COL5A1: variants seen among roughly 807,000 people sequenced by gnomAD.
COL5A1 encodes collagen type V alpha 1 chain.
Under a neutral mutation model 263.7 loss-of-function variants are expected in COL5A1, and 16 were observed. The observed-to-expected ratio is 0.06, with a 90% CI of 0.04 to 0.09. The LOEUF is 0.09. Ranked by LOEUF, COL5A1 falls within the 10% of genes least tolerant of loss-of-function variation. The pLI is 1.00. For missense variants in COL5A1, 2,036 were observed against 2,540.5 expected, an observed-to-expected ratio of 0.80 and a Z score of 4.27; for synonymous variants, 1,012 against 1,004.5, an observed-to-expected ratio of 1.01 and a Z score of -0.14.
chr9:134,807,379 C>T (rs1451184368), intron 42 of COL5A1, among the ~76,000 whole-genome samples: 2 of 152,168 alleles, frequency 1.3e-5, no homozygotes, highest in African/African-American at 4.8e-5. Context: ...CTGTGACCTC[C>T]ACCTCCTGGG....
intron 11 of COL5A1, among the ~76,000 whole-genome samples, chr9:134,747,176 A>C (rs1835547177): frequency 6.6e-6 from 1 of 152,172 alleles, no homozygotes. Context: ...TCCTTCTTCT[A>C]GGACTTCACG....
chr9:134,762,175 A>T (rs966841068), intron 19 of COL5A1, among the ~76,000 whole-genome samples, 197 bp downstream of exon 19: 3 of 152,064 alleles, frequency 2.0e-5, no homozygotes, highest in African/African-American at 7.2e-5. Context: ...CATTGGAGAG[A>T]CCCTGACTGC....
intron 4 of COL5A1, among the ~76,000 whole-genome samples, chr9:134,706,316 C>T (rs1298042759): frequency 1.3e-5 from 2 of 152,188 alleles, no homozygotes; most frequent in African/African-American, 2.4e-5. Context: ...GACCACCGTG[C>T]AGGAAGGGGA....
intron 4 of COL5A1, among the ~76,000 whole-genome samples, chr9:134,702,262 T>C (rs1280914079): frequency 6.6e-6 from 1 of 152,222 alleles, no homozygotes; most frequent in Non-Finnish European, 1.5e-5. Flanking sequence ...TCTCTGTGGC[T>C]AAAACCTGTT....
chr9:134,728,304 G>C (rs1283514436), intron 5 of COL5A1, among the ~76,000 whole-genome samples: 4 of 152,240 alleles, frequency 2.6e-5, no homozygotes, highest in Non-Finnish European at 4.4e-5. Flanking sequence ...TTGAGGCTTG[G>C]GGCTGAAGGC....
intron 1 of COL5A1, among the ~76,000 whole-genome samples, chr9:134,668,452 C>T (rs1018267142): frequency 2.0e-5 from 3 of 148,454 alleles, no homozygotes; most frequent in African/African-American, 7.6e-5. Flanking sequence ...GGCTATCACT[C>T]AACACCAGGT....
chr9:134,812,847 CCTCT>C (rs759377992), intron 48 of COL5A1, 135 bp downstream of exon 48: 10 of 723,786 alleles, frequency 1.4e-5, no homozygotes, highest in Non-Finnish European at 2.2e-5. Context: ...CGTGTGTGTA[CCTCT>C]CTGTGTGTAC....
At chr9:134,787,673 T>C (rs1382451949) in intron 31 of COL5A1, among the ~76,000 whole-genome samples, 1 of 152,244 alleles carries the variant, frequency 6.6e-6, no homozygotes, top group Non-Finnish European at 1.5e-5. Context: ...AGTCAGTGCA[T>C]AAATTTGCAT....
In COL5A1 at chr9:134,766,446, G is replaced by A. The variant is rs368595229; in HGVS notation, c.2089-8G>A. ...GTTACATGTTTTTCTTCTTAAAATC[G>A]TACACAGGGTGTCACGGGTATGGAC... On this transcript the variant is annotated splice_region_variant and splice_polypyrimidine_tract_variant and intron_variant, in intron 21 of 65. Coordinates refer to ENST00000371817, the MANE Select transcript of COL5A1 (RefSeq NM_000093.5). The A allele has an allele frequency of 2.2e-5, 35 of 1,613,872 alleles. No individual in the cohort carries two copies. Among genetic ancestry groups the A allele is most frequent in the African/African-American group, 2.1e-4 (16 of 74,910 alleles).
At chr9:134,674,863 A>G (rs1428754651) in intron 1 of COL5A1, among the ~76,000 whole-genome samples, 1 of 152,060 alleles carries the variant, frequency 6.6e-6, no homozygotes, top group Non-Finnish European at 1.5e-5. Flanking sequence ...CCTGGGTAAC[A>G]GAATGAGACT....
rs2132543589 is a variant in COL5A1, at chr9:134,686,766, C to T, written c.110-4146C>T. On this transcript the variant is annotated intron_variant, in intron 1 of 65. Transcript: ENST00000371817. This position sits in a 1 kb window ranked among gnomAD's most constrained non-coding sequence, Gnocchi z 4.6. The stretch of plus-strand genomic sequence containing the variant: ...ACTCGGGGATGGACAAGAGGTATTC[C>T]CTGGGCAAGCGAGGCTGTGCAGGAT... Among the ~76,000 whole-genome samples, 1 of 152,244 alleles carries T rather than the reference C, an allele frequency of 6.6e-6. No homozygotes were observed. The highest frequency in any genetic ancestry group is 2.4e-5 in the African/African-American group (1 of 41,560).
chr9:134,743,953 C>G (rs1835381829), intron 11 of COL5A1, among the ~76,000 whole-genome samples: 1 of 152,176 alleles, frequency 6.6e-6, no homozygotes, highest in African/African-American at 2.4e-5. Flanking sequence ...CAGGACCAGC[C>G]TTGGGGTGAT....
At chr9:134,744,825 A>T (rs892384215) in intron 11 of COL5A1, among the ~76,000 whole-genome samples, 1 of 152,000 alleles carries the variant, frequency 6.6e-6, no homozygotes, top group Non-Finnish European at 1.5e-5. Flanking sequence ...ACACTCATGC[A>T]TGCATGCACA....
chr9:134,757,932 A>G lies in COL5A1; in HGVS notation c.1882-311A>G, dbSNP rs1317693964. Among the ~76,000 whole-genome samples, 4 of 152,046 alleles carry G rather than the reference A, an allele frequency of 2.6e-5. No individual in the cohort carries two copies. The highest frequency in any genetic ancestry group is 9.7e-5 in the African/African-American group (4 of 41,400). ...GGGGTGGGGGAGATCAGCAGCAGAC[A>G]CTCACACACACGGGAAACTGCAGCG... On this transcript the variant is annotated intron_variant, in intron 17 of 65. Transcript: ENST00000371817. This position sits in a 1 kb window ranked among gnomAD's most constrained non-coding sequence, Gnocchi z 6.2.
At chr9:134,814,112 C>G in intron 49 of COL5A1, 76 bp downstream of exon 49, 1 of 1,418,190 alleles carries the variant, frequency 7.1e-7, no homozygotes, top group African/African-American at 1.4e-5. Context: ...GTTGGAGGCT[C>G]TGGCTCTGCC....
In COL5A1 at chr9:134,730,275, G is replaced by A. The variant is rs199857770; in HGVS notation, c.964G>A (p.Glu322Lys). 3 of 1,614,044 alleles carry A rather than the reference G, an allele frequency of 1.9e-6. No individual in the cohort carries two copies. Among genetic ancestry groups the A allele is most frequent in the South Asian group, 1.1e-5 (1 of 91,092 alleles). The change falls in exon 7 of 66, where the codon GAA (glutamate) becomes AAA (lysine). Residue 322 changes from glutamate (E) to lysine (K), a missense_variant. This residue lies in a region of COL5A1 where 600 missense variants were observed against 634.5 expected (regional missense o/e 0.95). Coordinates refer to ENST00000371817, the MANE Select transcript of COL5A1 (RefSeq NM_000093.5). ...PTPTEAAPMP[E>K]TSEGAGKEED... Reference sequence around the variant, plus strand: ...CCCCACGGAAGCTGCTCCCATGCCTGAAACCAGTGAAGGGGCTGGGAAGGA... The same window carrying A: ...CCCCACGGAAGCTGCTCCCATGCCTAAAACCAGTGAAGGGGCTGGGAAGGA...
chr9:134,781,137 C>T lies in COL5A1; in HGVS notation c.2430+991C>T, dbSNP rs147115492. On this transcript the variant is annotated intron_variant, in intron 28 of 65. Coordinates refer to ENST00000371817, the MANE Select transcript of COL5A1 (RefSeq NM_000093.5). ...AATCTGCCGGCCTTAAAGCCATTCCCGAGGGGACGCATTGAGTGGCCACAA... is the reference window on the plus strand; with the variant it reads ...AATCTGCCGGCCTTAAAGCCATTCCTGAGGGGACGCATTGAGTGGCCACAA... Among the ~76,000 whole-genome samples, 906 of 152,358 alleles carry T rather than the reference C, an allele frequency of 5.9e-3. 6 individuals are homozygous for T. Among genetic ancestry groups the T allele is most frequent in the Non-Finnish European group, 1.0e-2 (680 of 68,036 alleles).
At chr9:134,761,184 AC>A (rs554378456) in intron 18 of COL5A1, among the ~76,000 whole-genome samples, 132 of 129,840 alleles carry the variant, frequency 1.0e-3, no homozygotes, top group African/African-American at 1.4e-3. Flanking sequence ...ACACATATGC[AC>A]CCCCCATCCC....
intron 17 of COL5A1, 26 bp downstream of exon 17, chr9:134,756,844 G>A: frequency 4.3e-6 from 7 of 1,610,978 alleles, no homozygotes; most frequent in Non-Finnish European, 8.5e-7. Flanking sequence ...CCCTCCTGGT[G>A]CCCTGGCATC....
Sources: allele counts gnomAD v4.1 joint callset (sites outside exome capture counted in the v4.1 genomes callset), GRCh38; gene constraint gnomAD v4.1.1; regional missense constraint gnomAD v4.1.1; non-coding constraint Gnocchi (gnomAD v3.1); transcripts MANE v1.5; gene names NCBI Gene and HGNC (gene_info 2026-07-23, HGNC 2026-07-21).